The following CIBAR1 variants were observed in gnomAD, a reference collection of about 807,000 sequenced individuals.
CIBAR1 encodes CBY1-interacting BAR domain-containing protein 1.
CIBAR1 carries 25 observed loss-of-function variants against 44.0 expected under a neutral mutation model. The observed-to-expected ratio is 0.57, with a 90% CI of 0.41 to 0.79. The LOEUF (loss-of-function observed/expected upper bound fraction) is 0.79. Ranked by LOEUF, CIBAR1 falls within the 30% of genes least tolerant of loss-of-function variation. The pLI is 0.00. For missense variants in CIBAR1, 278 were observed against 344.8 expected (o/e 0.81, Z 1.53); for synonymous variants, 115 against 119.0 (o/e 0.97, Z 0.22).
chr8:93,705,086 C>A, intron 4 of CIBAR1, 76 bp downstream of exon 4: 1 of 931,196 alleles, frequency 1.1e-6, no homozygotes, highest in Non-Finnish European at 1.7e-6. Context: ...AGAAATTGTG[C>A]ATTTTTACTT....
chr8:93,703,891 C>T (rs907205453), intron 3 of CIBAR1, among the ~76,000 whole-genome samples: 7 of 151,678 alleles, frequency 4.6e-5, no homozygotes, highest in East Asian at 3.9e-4. Flanking sequence ...AGTGAAACCC[C>T]GTCTCTACTA....
chr8:93,707,860 C>T, intron 4 of CIBAR1, 151 bp from the exon 5 acceptor site: 1 of 449,440 alleles, frequency 2.2e-6, no homozygotes, highest in East Asian at 3.4e-5. Flanking sequence ...GTTGAATGAA[C>T]TGAATTACAT....
chr8:93,722,094 A>G (rs1811285939), intron 7 of CIBAR1, among the ~76,000 whole-genome samples: 2 of 152,248 alleles, frequency 1.3e-5, no homozygotes, highest in South Asian at 4.1e-4. Flanking sequence ...TCAATGAACC[A>G]CAGGCATAAA....
intron 6 of CIBAR1, 45 bp from the exon 7 acceptor site, chr8:93,718,630 G>T: frequency 8.8e-7 from 1 of 1,133,396 alleles, no homozygotes; most frequent in Non-Finnish European, 1.3e-6. Context: ...TATTCATAAA[G>T]AAATTTAAAT....
chr8:93,714,762 G>A (rs1810976827), intron 6 of CIBAR1, among the ~76,000 whole-genome samples: 1 of 152,032 alleles, frequency 6.6e-6, no homozygotes, highest in Non-Finnish European at 1.5e-5. Flanking sequence ...GGGATTACAG[G>A]TGTAAGCTAC....
chr8:93,717,758 T>G (rs1811089930), intron 6 of CIBAR1, among the ~76,000 whole-genome samples: 1 of 152,238 alleles, frequency 6.6e-6, no homozygotes, highest in African/African-American at 2.4e-5. Context: ...TTCTGCCTTG[T>G]TCTTATTCAG....
At chr8:93,727,337 G>T in intron 8 of CIBAR1, 1 of 513,370 alleles carries the variant, frequency 1.9e-6, no homozygotes, top group Non-Finnish European at 3.0e-6. Flanking sequence ...CAACCCAATT[G>T]TATTTTTTTT....
At chr8:93,705,998 C>T (rs1164631916) in intron 4 of CIBAR1, 1 of 152,058 alleles carries the variant, frequency 6.6e-6, no homozygotes, top group Non-Finnish European at 1.5e-5. Context: ...CCTACTGCCT[C>T]TTTTTCCCAT....
chr8:93,726,825 G>C (rs908312104), intron 8 of CIBAR1: 1 of 350,228 alleles, frequency 2.9e-6, no homozygotes, highest in African/African-American at 2.2e-5. Flanking sequence ...GTCCAACTTA[G>C]GTTTAAATCT....
chr8:93,718,110 G>A (rs1428450591), intron 6 of CIBAR1, among the ~76,000 whole-genome samples: 1 of 152,186 alleles, frequency 6.6e-6, no homozygotes, highest in Non-Finnish European at 1.5e-5. Context: ...TGACCTGTGA[G>A]CAACACTGGG....
chr8:93,707,193 A>G lies in CIBAR1; in HGVS notation c.433-818A>G, dbSNP rs528886897. ...CAAAGCATTTCCTACTCAAGTTGGT[A>G]TATTATAGAATTTTGAAGAATTTTC... is the stretch of plus-strand genomic sequence containing the variant. On this transcript the variant is annotated intron_variant, in intron 4 of 8. Transcript: ENST00000518322. 3 of 417,942 alleles carry G rather than the reference A, an allele frequency of 7.2e-6. No individual in the cohort carries two copies. In the East Asian group the frequency reaches 2.2e-4, roughly 31 times the overall value. 25.9% of individuals were successfully genotyped at this position (417,942 alleles called of 1,614,324 possible). A position where few individuals can be genotyped will look rare whatever the true frequency, so the allele number is the denominator to read the frequency against.
At chr8:93,704,744 A>G (rs1379021594) in intron 3 of CIBAR1, among the ~76,000 whole-genome samples, 165 bp from the exon 4 acceptor site, 15 of 152,218 alleles carry the variant, frequency 9.9e-5, no homozygotes, top group Non-Finnish European at 1.9e-4. Context: ...TCACATACAT[A>G]GACACTAATT....
chr8:93,701,010 C>T (rs1343664276), intron 1 of CIBAR1: 2 of 1,421,474 alleles, frequency 1.4e-6, no homozygotes, highest in Admixed American at 3.0e-5. Flanking sequence ...AAGGCCAGGC[C>T]CACCCGGCCT....
chr8:93,702,453 C>T (rs748749955), intron 2 of CIBAR1: 1 of 446,506 alleles, frequency 2.2e-6, no homozygotes, highest in Non-Finnish European at 4.5e-6. Context: ...TGCTATTTAT[C>T]AAATAGCAAA....
chr8:93,724,569 G>A (rs764914732), intron 7 of CIBAR1: 51 of 1,271,538 alleles, frequency 4.0e-5, no homozygotes, highest in African/African-American at 1.1e-4. Flanking sequence ...CAAGCGATCC[G>A]CCTGCGTTGG....
Position 93,728,531 on chromosome 8 carries a change from TA to T in CIBAR1, c.*237del. On this transcript the variant is annotated 3_prime_UTR_variant, in exon 9 of 9. Coordinates refer to ENST00000518322, the MANE Select transcript of CIBAR1 (RefSeq NM_145269.5). ...ATTTTTGTGTAAGTGCCTTTTTTTT[TA>T]AAGATGGTGTATTTCAAAGTATTTC... The T allele has an allele frequency of 5.8e-6, 2 of 346,432 alleles. No individual in the cohort carries two copies. Among genetic ancestry groups the T allele is most frequent in the Non-Finnish European group, 1.0e-5 (2 of 192,080 alleles). 21.5% of individuals were successfully genotyped at this position (346,432 alleles called of 1,614,324 possible). A position where few individuals can be genotyped will look rare whatever the true frequency, so the allele number is the denominator to read the frequency against.
At chr8:93,700,952 G>A in intron 1 of CIBAR1, 1 of 1,371,520 alleles carries the variant, frequency 7.3e-7, no homozygotes, top group Non-Finnish European at 9.3e-7. Flanking sequence ...GCAGCCGGGC[G>A]CCCAGGCCGC....
chr8:93,715,030 A>C (rs1456047045), intron 6 of CIBAR1, among the ~76,000 whole-genome samples: 1 of 152,258 alleles, frequency 6.6e-6, no homozygotes, highest in Non-Finnish European at 1.5e-5. Context: ...AGCACTGCTC[A>C]TAACTGTGAG....
In CIBAR1 at chr8:93,701,411, A is replaced by G. The variant is rs1810348825; in HGVS notation, c.214A>G (p.Asn72Asp). ...CCCGCATTTAAAGCTGGGCCTGATG[A>G]ACTTTGCAGATGAGTTTGCCAAACT... ...ETPHLKLGLM[N>D]FADEFAKLQD... The change falls in exon 2 of 9, where the codon AAC becomes GAC. Residue 72 changes from asparagine (N) to aspartate (D), a missense_variant. Asn to Asp is a conservative substitution (Grantham distance 23). Transcript: ENST00000518322. 1 of 1,613,770 alleles carries G rather than the reference A, an allele frequency of 6.2e-7. No homozygotes were observed. Among genetic ancestry groups the G allele is most frequent in the South Asian group, 1.1e-5 (1 of 91,042 alleles).
Sources: gnomAD v4.1 joint callset for allele counts (sites outside exome capture counted in the v4.1 genomes callset) on GRCh38, gnomAD v4.1.1 for gene constraint, MANE v1.5 for transcripts, NCBI Gene and HGNC (gene_info 2026-07-23, HGNC 2026-07-21) for gene names.